LARGE1: variants seen among roughly 807,000 people sequenced by gnomAD.
LARGE1 encodes the protein LARGE xylosyl- and glucuronyltransferase 1.
A neutral mutation model predicts 87.6 loss-of-function variants in LARGE1; 43 were observed. That is an observed-to-expected ratio of 0.49 (90% CI 0.38 to 0.63). The LOEUF (loss-of-function observed/expected upper bound fraction) is 0.63, where lower values mean the gene tolerates loss of function less well. LARGE1 is among the 30% of genes least tolerant of loss of function. LARGE1 has a pLI of 0.00. For missense variants in LARGE1, 802 were observed against 1,000.2 expected (o/e 0.80, Z 2.67); for synonymous variants, 434 against 394.6 (o/e 1.10, Z -1.18).
chr22:33,519,222 G>A (rs543943252), intron 6 of LARGE1, among the ~76,000 whole-genome samples: 19 of 126,660 alleles, frequency 1.5e-4, no homozygotes, highest in South Asian at 5.6e-4. Flanking sequence ...CCTGAGCTGC[G>A]TGCGTGCGCG....
chr22:33,283,573 G>C (rs990978543), intron 12 of LARGE1, among the ~76,000 whole-genome samples: 3 of 152,126 alleles, frequency 2.0e-5, no homozygotes, highest in African/African-American at 7.2e-5. Flanking sequence ...TCAGGAGTTT[G>C]AGACCAGCCT....
chr22:33,886,656 C>CAAAAAAAAAAA (rs869173776), intron 1 of LARGE1, among the ~76,000 whole-genome samples: 1 of 34,578 alleles, frequency 2.9e-5, no homozygotes, highest in Non-Finnish European at 5.8e-5. Flanking sequence ...GAGATTCTGC[C>CAAAAAAAAAAA]AAAAAAAAAA....
chr22:33,544,582 G>C (rs2077300635), intron 6 of LARGE1, among the ~76,000 whole-genome samples: 1 of 152,090 alleles, frequency 6.6e-6, no homozygotes, highest in Non-Finnish European at 1.5e-5. Context: ...CTACTTGGGA[G>C]GCTGAAGGAG....
At chr22:33,651,355 G>A (rs1236192786) in intron 2 of LARGE1, among the ~76,000 whole-genome samples, 2 of 125,018 alleles carry the variant, frequency 1.6e-5, no homozygotes, top group Non-Finnish European at 1.6e-5. Context: ...TCGCACCACT[G>A]CACTCCAGCC....
the LARGE1 span, among the ~76,000 whole-genome samples, chr22:33,128,309 C>T: frequency 2.6e-5 from 4 of 152,148 alleles, no homozygotes; most frequent in Admixed American, 2.6e-4. Flanking sequence ...TGGGTATGTT[C>T]CTTGTAGCAC....
chr22:33,334,435 ACACC>A (rs1938175015), intron 10 of LARGE1, among the ~76,000 whole-genome samples: 2 of 145,034 alleles, frequency 1.4e-5, no homozygotes, highest in Non-Finnish European at 1.5e-5. Flanking sequence ...AAAAAAAAAA[ACACC>A]AAACAAAAAG....
chr22:33,523,107 C>G (rs1044500792), intron 6 of LARGE1, among the ~76,000 whole-genome samples: 1 of 151,882 alleles, frequency 6.6e-6, no homozygotes, highest in Non-Finnish European at 1.5e-5. Context: ...TGGGTTCAAG[C>G]AATTCTCCTG....
intron 6 of LARGE1, among the ~76,000 whole-genome samples, chr22:33,533,939 A>G (rs1602293134): frequency 7.1e-6 from 1 of 140,610 alleles, no homozygotes; most frequent in Non-Finnish European, 1.5e-5. Context: ...ACTGTTTCCT[A>G]TCCATTTCTT....
At chr22:33,105,801 A>G in the LARGE1 span, 1 of 152,230 alleles carries the variant, frequency 6.6e-6, no homozygotes, top group Non-Finnish European at 1.5e-5. Context: ...AGATGGCACG[A>G]TGCTTCACAG....
the LARGE1 span, among the ~76,000 whole-genome samples, chr22:33,125,858 G>A: frequency 3.3e-5 from 5 of 152,106 alleles, no homozygotes; most frequent in African/African-American, 4.8e-5. Flanking sequence ...AGCGATTCTC[G>A]TGCCTCAGCT....
At chr22:33,269,134 A>G (rs1026445716), downstream of LARGE1, among the ~76,000 whole-genome samples, 2 of 152,254 alleles carry the variant, frequency 1.3e-5, no homozygotes, top group African/African-American at 4.8e-5. Flanking sequence ...GGGGCATGGT[A>G]TCTACAATTC....
chr22:33,876,470 T>C (rs2064470270), intron 1 of LARGE1, among the ~76,000 whole-genome samples: 1 of 152,144 alleles, frequency 6.6e-6, no homozygotes, highest in African/African-American at 2.4e-5. Context: ...TTCACCAAGC[T>C]GCACACTTAT....
chr22:33,801,308 C>T (rs1490962013), intron 1 of LARGE1, among the ~76,000 whole-genome samples: 1 of 152,164 alleles, frequency 6.6e-6, no homozygotes, highest in South Asian at 2.1e-4. Flanking sequence ...AAGAAATTGA[C>T]AGATGGTCAT....
intron 6 of LARGE1, among the ~76,000 whole-genome samples, chr22:33,479,751 T>G (rs1436759431): frequency 6.6e-6 from 1 of 151,808 alleles, no homozygotes; most frequent in East Asian, 1.9e-4. Context: ...ATGACTTTTT[T>G]TTTTTTTTTT....
At chr22:33,359,320 T>C (rs890268638) in intron 9 of LARGE1, among the ~76,000 whole-genome samples, 9 of 152,180 alleles carry the variant, frequency 5.9e-5, no homozygotes, top group Non-Finnish European at 1.3e-4. Flanking sequence ...GAAAAGTGAC[T>C]TAACCTGTGT....
chr22:33,152,023 A>G, the LARGE1 span, among the ~76,000 whole-genome samples: 7 of 151,414 alleles, frequency 4.6e-5, no homozygotes, highest in Admixed American at 3.9e-4. Flanking sequence ...TTTTCTTCAA[A>G]TGTTTGATAA....
At chr22:33,503,476 C>T (rs373209161) in intron 6 of LARGE1, among the ~76,000 whole-genome samples, 1 of 151,790 alleles carries the variant, frequency 6.6e-6, no homozygotes, top group East Asian at 1.9e-4. Context: ...TACATATGTA[C>T]CAGGAGAATG....
chr22:33,424,401 A>G (rs1024066465), intron 7 of LARGE1, among the ~76,000 whole-genome samples: 1 of 152,206 alleles, frequency 6.6e-6, no homozygotes, highest in Non-Finnish European at 1.5e-5. Context: ...ATTCCTACCT[A>G]TGGACAGAAG....
intron 6 of LARGE1, among the ~76,000 whole-genome samples, chr22:33,506,258 G>C (rs1344127825): frequency 6.6e-6 from 1 of 152,038 alleles, no homozygotes; most frequent in Non-Finnish European, 1.5e-5. Flanking sequence ...TTCAGGGCTG[G>C]AGAGGCAGCT....
Sources: allele counts gnomAD v4.1 joint callset (sites outside exome capture counted in the v4.1 genomes callset), GRCh38; gene constraint gnomAD v4.1.1; transcripts MANE v1.5; gene names NCBI Gene and HGNC (gene_info 2026-07-23, HGNC 2026-07-21).